COP1: variants seen among roughly 807,000 people sequenced by gnomAD.
COP1 encodes COP1 E3 ubiquitin ligase, also known as E3 ubiquitin-protein ligase COP1.
In COP1, 24 loss-of-function variants were observed where a neutral mutation model predicts 101.3. That is an observed-to-expected ratio of 0.24 (90% CI 0.17 to 0.33). The LOEUF is 0.33. Among genes scored for constraint, COP1 ranks in the 10% least tolerant of loss-of-function variants. The pLI is 1.00. For missense variants in COP1, 663 were observed against 906.2 expected (o/e 0.73, Z 3.45); for synonymous variants, 347 against 341.9 (o/e 1.01, Z -0.17).
At chr1:176,170,910 G>A (rs1695944767) in intron 3 of COP1, among the ~76,000 whole-genome samples, 1 of 151,942 alleles carries the variant, frequency 6.6e-6, no homozygotes, top group African/African-American at 2.4e-5. Context: ...TGGATCACGA[G>A]GTCAGGAGAT....
chr1:176,081,647 T>C (rs956409111), intron 10 of COP1, among the ~76,000 whole-genome samples: 9 of 152,096 alleles, frequency 5.9e-5, no homozygotes, highest in African/African-American at 1.9e-4. Context: ...GGATGAGTAT[T>C]TGTTAGTTTG....
At chr1:176,077,821 G>T (rs1572094068) in intron 11 of COP1, among the ~76,000 whole-genome samples, 1 of 152,032 alleles carries the variant, frequency 6.6e-6, no homozygotes, top group Admixed American at 6.6e-5. Flanking sequence ...ATACAAAATC[G>T]ATGTACAAAA....
intron 11 of COP1, among the ~76,000 whole-genome samples, chr1:176,061,346 G>A (rs1014627194): frequency 6.6e-6 from 1 of 152,146 alleles, no homozygotes. Context: ...ACTGAACCTC[G>A]GCTAGGCATG....
At chr1:176,042,357 T>G (rs1008830069) in intron 14 of COP1, among the ~76,000 whole-genome samples, 5 of 143,742 alleles carry the variant, frequency 3.5e-5, no homozygotes, top group Non-Finnish European at 7.6e-5. Context: ...TTGAGGTCAG[T>G]TTGATACCAG....
At chr1:176,133,793 T>C in intron 8 of COP1, 1 of 444,660 alleles carries the variant, frequency 2.2e-6, no homozygotes, top group Non-Finnish European at 4.5e-6. Flanking sequence ...GAATGAATCA[T>C]TATTAGTGAA....
chr1:176,203,223 G>C (rs1185441302), intron 1 of COP1, among the ~76,000 whole-genome samples: 1 of 152,088 alleles, frequency 6.6e-6, no homozygotes, highest in East Asian at 1.9e-4. Flanking sequence ...TGTAGTCCCA[G>C]CTACTCGGGA....
At chr1:176,193,844 T>C (rs1193893502) in intron 1 of COP1, among the ~76,000 whole-genome samples, 1 of 152,152 alleles carries the variant, frequency 6.6e-6, no homozygotes, top group Non-Finnish European at 1.5e-5. Context: ...TAGGGGCTGA[T>C]AAAAATGTTC....
intron 12 of COP1, among the ~76,000 whole-genome samples, chr1:176,045,821 G>A (rs947306025): frequency 6.6e-6 from 1 of 151,926 alleles, no homozygotes; most frequent in Non-Finnish European, 1.5e-5. Context: ...TGAGATATGT[G>A]CAGGCTAGGG....
At chr1:176,084,546 A>G (rs1393881591) in intron 10 of COP1, among the ~76,000 whole-genome samples, 1 of 152,190 alleles carries the variant, frequency 6.6e-6, no homozygotes, top group Non-Finnish European at 1.5e-5. Context: ...CATTGCCAAG[A>G]GAATCCTAAG....
chr1:176,043,407 A>C (rs986334730), intron 13 of COP1, 140 bp from the exon 14 acceptor site: 7 of 589,626 alleles, frequency 1.2e-5, no homozygotes, highest in Non-Finnish European at 2.1e-5. Flanking sequence ...ATGAAAAGCA[A>C]ATAAGATGTT....
At chr1:176,197,203 C>T (rs542405471) in intron 1 of COP1, among the ~76,000 whole-genome samples, 1 of 152,252 alleles carries the variant, frequency 6.6e-6, no homozygotes, top group African/African-American at 2.4e-5. Context: ...TATGACACAA[C>T]AACAAGTGGC....
intron 16 of COP1, chr1:175,989,098 A>G (rs893526285): frequency 6.4e-5 from 18 of 279,980 alleles, no homozygotes; most frequent in Non-Finnish European, 1.2e-4. Context: ...GCAATTAAAC[A>G]TAGGAGGATG....
intron 9 of COP1, among the ~76,000 whole-genome samples, chr1:176,107,081 T>C (rs570294350): frequency 6.6e-5 from 10 of 152,296 alleles, no homozygotes; most frequent in African/African-American, 2.4e-4. Flanking sequence ...TGTATATCCA[T>C]TGCCTGTAAT....
At chr1:176,139,768 A>G (rs1401195224) in intron 6 of COP1, among the ~76,000 whole-genome samples, 1 of 152,158 alleles carries the variant, frequency 6.6e-6, no homozygotes, top group African/African-American at 2.4e-5. Flanking sequence ...CTGGGTACTC[A>G]TAAAGATGGT....
Position 176,028,748 on chromosome 1 carries a change from T to TTTA in COP1, c.1613-1063_1613-1061dup, listed in dbSNP as rs1032092893. ...ATATAGTTTTATATATATTATTCTT[T>TTTA]TTATTATTATTATTATTTTTGAGAC... On this transcript the variant is annotated intron_variant, in intron 14 of 19. Coordinates refer to ENST00000367669, the MANE Select transcript of COP1 (RefSeq NM_022457.7). 4.3e-5 allele frequency among the ~76,000 whole-genome samples: 6 copies of TTTA among 138,354 alleles called. 1 individual carries two copies. Among genetic ancestry groups the TTTA allele is most frequent in the Non-Finnish European group, 4.7e-5 (3 of 63,920 alleles). 90.8% of individuals were successfully genotyped at this position (138,354 alleles called of 152,430 possible).
intron 9 of COP1, among the ~76,000 whole-genome samples, chr1:176,087,815 T>C (rs145075663): frequency 6.7e-4 from 102 of 152,320 alleles, no homozygotes; most frequent in African/African-American, 2.2e-3. Context: ...TGTATGTTTA[T>C]TGCAGCACTA....
At chr1:176,075,176 C>T (rs1017334972) in intron 11 of COP1, among the ~76,000 whole-genome samples, 1 of 152,066 alleles carries the variant, frequency 6.6e-6, no homozygotes, top group African/African-American at 2.4e-5. Flanking sequence ...TAATAAAATG[C>T]ACCCCATAAT....
chr1:176,006,754 C>T (rs1405094098), intron 15 of COP1, among the ~76,000 whole-genome samples: 3 of 152,108 alleles, frequency 2.0e-5, no homozygotes, highest in Non-Finnish European at 4.4e-5. Context: ...GTAGGTAACC[C>T]GACCTTTCTC....
chr1:176,152,052 A>G (rs1239833058), intron 5 of COP1, among the ~76,000 whole-genome samples: 1 of 151,888 alleles, frequency 6.6e-6, no homozygotes, highest in Non-Finnish European at 1.5e-5. Context: ...GCACTGCGGG[A>G]AGCCAAGGCA....
Sources: allele counts gnomAD v4.1 joint callset (sites outside exome capture counted in the v4.1 genomes callset), GRCh38; gene constraint gnomAD v4.1.1; transcripts MANE v1.5; gene names NCBI Gene and HGNC (gene_info 2026-07-23, HGNC 2026-07-21).